MYO5B: variants seen among roughly 807,000 people sequenced by gnomAD.
MYO5B encodes the protein unconventional myosin-Vb.
Under a neutral mutation model 229.3 loss-of-function variants are expected in MYO5B, and 143 were observed. The observed-to-expected ratio is 0.62, with a 90% CI of 0.54 to 0.72. MYO5B has a LOEUF of 0.72. MYO5B is among the 30% of genes least tolerant of loss of function. The pLI is 0.00. For missense variants in MYO5B, 2,321 were observed against 2,331.0 expected (o/e 1.00, Z 0.09); for synonymous variants, 918 against 885.2 (o/e 1.04, Z -0.66).
chr18:49,992,185 T>C, intron 6 of MYO5B, 103 bp downstream of exon 6: 1 of 1,482,452 alleles, frequency 6.7e-7, no homozygotes, highest in South Asian at 1.1e-5. Context: ...AATTCCAGGC[T>C]CACAAGAGAG....
intron 17 of MYO5B, among the ~76,000 whole-genome samples, chr18:49,916,782 G>A (rs8090750): frequency 0.069 from 10,526 of 152,182 alleles, 875 homozygotes; most frequent in East Asian, 0.29. Flanking sequence ...GTCGCTCCCC[G>A]AAGGACCCAG....
intron 1 of MYO5B, among the ~76,000 whole-genome samples, chr18:50,175,357 C>A (rs1398598350): frequency 6.6e-6 from 1 of 152,196 alleles, no homozygotes; most frequent in Non-Finnish European, 1.5e-5. Flanking sequence ...TAAAAGACAA[C>A]AGGTGGTCAT....
At chr18:49,966,547 T>C (rs374210597) in intron 10 of MYO5B, among the ~76,000 whole-genome samples, 37 of 152,114 alleles carry the variant, frequency 2.4e-4, no homozygotes, top group Admixed American at 1.2e-3. Flanking sequence ...CCAGAGGAAA[T>C]TGAATTAATA....
chr18:49,886,600 A>G (rs1212546667), intron 22 of MYO5B, among the ~76,000 whole-genome samples: 1 of 151,390 alleles, frequency 6.6e-6, no homozygotes, highest in Non-Finnish European at 1.5e-5. Flanking sequence ...GCATCAAACT[A>G]ATTATACCAA....
rs1598826942 is a variant in MYO5B, at chr18:49,844,645, C to T, written c.4460-1253G>A. Among the ~76,000 whole-genome samples, 7 of 152,330 alleles carry T rather than the reference C, an allele frequency of 4.6e-5. 1 individual carries two copies. The highest frequency in any genetic ancestry group is 4.6e-4 in the Admixed American group (7 of 15,302). On this transcript the variant is annotated intron_variant, in intron 33 of 39. Transcript: ENST00000285039. Reference sequence around the variant, plus strand: ...CTTGAGTACATGGTTGACATTTGGCCATTTTATAGGTCCAGCAGATGGCTG... The same window carrying T: ...CTTGAGTACATGGTTGACATTTGGCTATTTTATAGGTCCAGCAGATGGCTG...
intron 1 of MYO5B, among the ~76,000 whole-genome samples, chr18:50,110,469 T>TTATACAAGAAGAAAGTGG (rs2031845948): frequency 6.6e-6 from 1 of 152,156 alleles, no homozygotes; most frequent in Admixed American, 6.5e-5. Flanking sequence ...GTGGGGTACT[T>TTATACAAGAAGAAAGTGG]GGTTGGCAAG....
intron 25 of MYO5B, among the ~76,000 whole-genome samples, chr18:49,877,186 T>C (rs915677101): frequency 2.6e-5 from 4 of 152,156 alleles, no homozygotes; most frequent in Middle Eastern, 3.2e-3. Context: ...AGAGGAAAAA[T>C]TGTATCTTTT....
At chr18:49,996,154 A>G (rs756706803) in intron 5 of MYO5B, among the ~76,000 whole-genome samples, 1 of 152,242 alleles carries the variant, frequency 6.6e-6, no homozygotes, top group Non-Finnish European at 1.5e-5. Context: ...ACTTTGCCCA[A>G]GGTCTAAAGA....
At chr18:49,843,697 G>C (rs1023003689) in intron 33 of MYO5B, among the ~76,000 whole-genome samples, 1 of 152,224 alleles carries the variant, frequency 6.6e-6, no homozygotes, top group Non-Finnish European at 1.5e-5. Context: ...AAAAGTGCCT[G>C]CAAGTTACAC....
chr18:49,896,110 A>G (rs1426894984), intron 21 of MYO5B, among the ~76,000 whole-genome samples: 5 of 152,218 alleles, frequency 3.3e-5, no homozygotes, highest in Non-Finnish European at 4.4e-5. Flanking sequence ...ACTAATTCAC[A>G]TAAGAAATTA....
chr18:50,122,855 C>T (rs1380095262), intron 1 of MYO5B, among the ~76,000 whole-genome samples: 2 of 151,738 alleles, frequency 1.3e-5, no homozygotes, highest in East Asian at 1.9e-4. Flanking sequence ...AACCCTCAGA[C>T]ATCGACTGCT....
At position 50,077,119 on chromosome 18, in the gene MYO5B, G is replaced by C. The variant is rs1403031459; in HGVS notation, c.28-21741C>G. On this transcript the variant is annotated intron_variant, in intron 1 of 39. Transcript: ENST00000285039. ...GTTTTTAAGAAACAGAATGGGGATA[G>C]TAAATGGCAATTGGTGTTTTTGCTT... Among the ~76,000 whole-genome samples the C allele has an allele frequency of 3.8e-5, 5 of 133,294 alleles. No individual in the cohort carries two copies. In the Admixed American group the frequency reaches 4.0e-4, roughly 11 times the overall value. The allele number at this position is 133,294 out of a possible 152,430, so 87.4% of individuals were successfully genotyped here. A position where few individuals can be genotyped will look rare whatever the true frequency, so the allele number is the denominator to read the frequency against.
intron 4 of MYO5B, among the ~76,000 whole-genome samples, chr18:50,030,182 C>A (rs1815935): frequency 0.067 from 10,148 of 152,208 alleles, 513 homozygotes; most frequent in African/African-American, 0.15. Flanking sequence ...CTCATGCATC[C>A]CAGAGCATTC....
chr18:49,878,919 T>C (rs1163905343), intron 24 of MYO5B, 26 bp downstream of exon 24: 2 of 1,613,808 alleles, frequency 1.2e-6, no homozygotes, highest in African/African-American at 2.7e-5. Context: ...ACCTGTGCCA[T>C]GGCACAGCAG....
intron 30 of MYO5B, among the ~76,000 whole-genome samples, chr18:49,855,619 G>A (rs906155676): frequency 1.3e-5 from 2 of 152,146 alleles, no homozygotes; most frequent in African/African-American, 4.8e-5. Flanking sequence ...TCAGGCATGT[G>A]CAAAGTACTT....
chr18:49,831,019 A>C (rs2023913409), intron 39 of MYO5B, among the ~76,000 whole-genome samples: 1 of 151,974 alleles, frequency 6.6e-6, no homozygotes, highest in Non-Finnish European at 1.5e-5. Context: ...GATTTTTGAC[A>C]AGGGTGCCAA....
At position 49,912,077 on chromosome 18, in the gene MYO5B, C is replaced by T. The variant is rs771180773; in HGVS notation, c.2187G>A (p.Leu729=). 89 of 1,613,986 alleles carry T rather than the reference C, an allele frequency of 5.5e-5. No individual in the cohort carries two copies. The highest frequency in any genetic ancestry group is 7.4e-5 in the Non-Finnish European group (87 of 1,179,992). ...TGTGGCTCACCTTGATGAGGTTCTC[C>T]AGGACAGACCTGCAGATGGCCTTTT... is the stretch of plus-strand genomic sequence containing the variant. ...TDKKAICRSV[L]ENLIKDPDKF... is the part of the protein sequence containing the mutation. Residue 729 remains leucine, a synonymous_variant, in exon 18 of 40, where the codon CTG becomes CTA. Transcript: ENST00000285039.
intron 9 of MYO5B, among the ~76,000 whole-genome samples, chr18:49,975,177 T>G (rs990392429): frequency 2.0e-5 from 3 of 152,250 alleles, no homozygotes; most frequent in African/African-American, 7.2e-5. Flanking sequence ...GCATTGCCTT[T>G]GACCCGACCC....
intron 9 of MYO5B, 66 bp from the exon 10 acceptor site, chr18:49,974,681 T>G: frequency 1.3e-6 from 2 of 1,564,624 alleles, no homozygotes; most frequent in Non-Finnish European, 1.7e-6. Context: ...CACCAATGTC[T>G]TCCACCCTCC....
Sources: allele counts gnomAD v4.1 joint callset (sites outside exome capture counted in the v4.1 genomes callset), GRCh38; gene constraint gnomAD v4.1.1; transcripts MANE v1.5; gene names NCBI Gene and HGNC (gene_info 2026-07-23, HGNC 2026-07-21).